APLF: variants seen among roughly 807,000 people sequenced by gnomAD.
APLF encodes aprataxin and PNK-like factor.
In APLF, 61 loss-of-function variants were observed where a neutral mutation model predicts 55.6. The ratio of observed to expected loss-of-function variants is 1.10; its 90% CI spans 0.89 to 1.36. The LOEUF is 1.36. Among genes scored for constraint, APLF ranks in the 40% most tolerant of loss-of-function variants. The pLI is 0.00. For missense variants in APLF, 611 were observed against 602.5 expected, an observed-to-expected ratio of 1.01 and a Z score of -0.15; for synonymous variants, 207 against 214.8, an observed-to-expected ratio of 0.96 and a Z score of 0.32.
intron 1 of APLF, among the ~76,000 whole-genome samples, chr2:68,480,925 T>G (rs1675931225): frequency 6.6e-6 from 1 of 152,240 alleles, no homozygotes; most frequent in African/African-American, 2.4e-5. Flanking sequence ...TTGATTTGTG[T>G]ATGTTTGAAC....
At chr2:68,560,459 A>C (rs1322102600) in intron 8 of APLF, among the ~76,000 whole-genome samples, 3 of 152,160 alleles carry the variant, frequency 2.0e-5, no homozygotes, top group Non-Finnish European at 2.9e-5. Flanking sequence ...TATTATAATT[A>C]CAAAGATTTA....
intron 5 of APLF, among the ~76,000 whole-genome samples, chr2:68,519,776 A>T (rs1387799070): frequency 6.6e-6 from 1 of 151,658 alleles, no homozygotes; most frequent in African/African-American, 2.4e-5. Flanking sequence ...TGCTATAAAC[A>T]TGTATGTGTA....
intron 8 of APLF, among the ~76,000 whole-genome samples, chr2:68,564,544 G>A (rs897700470): frequency 3.3e-5 from 5 of 151,992 alleles, no homozygotes; most frequent in Admixed American, 3.3e-4. Flanking sequence ...GGGATCAAAG[G>A]CTAACATTAT....
chr2:68,525,948 C>A, intron 5 of APLF, 113 bp from the exon 6 acceptor site: 1 of 1,019,694 alleles, frequency 9.8e-7, no homozygotes, highest in Non-Finnish European at 1.4e-6. Flanking sequence ...CCGGGTTTCA[C>A]CATGTTGGCC....
At chr2:68,539,579 T>G (rs1007952307) in intron 7 of APLF, among the ~76,000 whole-genome samples, 15 of 152,146 alleles carry the variant, frequency 9.9e-5, no homozygotes, top group African/African-American at 3.4e-4. Context: ...ACACTGGAAA[T>G]TAGGGCTTCA....
chr2:68,476,880 C>T (rs190587517), intron 1 of APLF, among the ~76,000 whole-genome samples: 105 of 152,056 alleles, frequency 6.9e-4, no homozygotes, highest in African/African-American at 1.9e-3. Flanking sequence ...GGGTTTTGAA[C>T]GGCATAGGTC....
At chr2:68,568,381 A>AC in intron 9 of APLF, 1 of 870,720 alleles carries the variant, frequency 1.1e-6, no homozygotes, top group Non-Finnish European at 1.4e-6. Context: ...ATTTCACTGT[A>AC]AGGGAATTCC....
intron 6 of APLF, among the ~76,000 whole-genome samples, chr2:68,535,064 G>A (rs1670350629): frequency 6.6e-6 from 1 of 152,032 alleles, no homozygotes; most frequent in African/African-American, 2.4e-5. Context: ...AAATATATTC[G>A]AGAACCCCTG....
At chr2:68,534,406 G>T (rs1465759014) in intron 6 of APLF, among the ~76,000 whole-genome samples, 1 of 152,076 alleles carries the variant, frequency 6.6e-6, no homozygotes, top group East Asian at 1.9e-4. Flanking sequence ...AGACATTCTT[G>T]CCAGGAGCAG....
At chr2:68,507,985 T>G (rs1178035621) in intron 3 of APLF, among the ~76,000 whole-genome samples, 1 of 151,834 alleles carries the variant, frequency 6.6e-6, no homozygotes, top group Non-Finnish European at 1.5e-5. Flanking sequence ...GATGAAAATG[T>G]CATGATAGTA....
At chr2:68,505,438 T>G (rs543928373) in intron 3 of APLF, among the ~76,000 whole-genome samples, 1 of 152,022 alleles carries the variant, frequency 6.6e-6, no homozygotes, top group African/African-American at 2.4e-5. Context: ...TTAGGGCAAG[T>G]GTCACACTTT....
intron 7 of APLF, among the ~76,000 whole-genome samples, chr2:68,543,144 A>G (rs7560955): frequency 0.095 from 14,390 of 152,176 alleles, 822 homozygotes; most frequent in African/African-American, 0.15. Flanking sequence ...CCTGTGGGGA[A>G]AAACAGAAAT....
At chr2:68,518,979 A>AT (rs1669789535) in intron 5 of APLF, among the ~76,000 whole-genome samples, 1 of 123,564 alleles carries the variant, frequency 8.1e-6, no homozygotes, top group Non-Finnish European at 1.6e-5. Context: ...ATATGCTATT[A>AT]ATATACAATA....
chr2:68,504,734 T>A (rs1676825300), intron 3 of APLF, among the ~76,000 whole-genome samples: 1 of 152,066 alleles, frequency 6.6e-6, no homozygotes, highest in African/African-American at 2.4e-5. Flanking sequence ...TGTGTTTATT[T>A]GCAGATGACA....
intron 1 of APLF, among the ~76,000 whole-genome samples, chr2:68,483,907 C>CA (rs1346447678): frequency 6.6e-6 from 1 of 152,030 alleles, no homozygotes; most frequent in Non-Finnish European, 1.5e-5. Flanking sequence ...AAGCATTTTA[C>CA]AAAAAATTAA....
intron 5 of APLF, among the ~76,000 whole-genome samples, chr2:68,517,688 T>C (rs1383279193): frequency 6.9e-6 from 1 of 145,268 alleles, no homozygotes; most frequent in Non-Finnish European, 1.5e-5. Flanking sequence ...TAATATGTTA[T>C]TAACATGTAA....
chr2:68,485,809 CTTTTTTTTTT>C (rs1189243777), intron 1 of APLF, among the ~76,000 whole-genome samples: 1 of 129,206 alleles, frequency 7.7e-6, no homozygotes, highest in African/African-American at 3.1e-5. Context: ...TTTATTATCT[CTTTTTTTTTT>C]TTTTTTTTGA....
intron 8 of APLF, among the ~76,000 whole-genome samples, chr2:68,564,687 C>T (rs1489213729): frequency 6.6e-6 from 1 of 152,070 alleles, no homozygotes; most frequent in East Asian, 1.9e-4. Context: ...GAAGCTCAGA[C>T]AGCGTGCAGG....
chr2:68,471,279 G>A (rs1404315347), intron 1 of APLF, among the ~76,000 whole-genome samples: 1 of 113,028 alleles, frequency 8.8e-6, no homozygotes, highest in Non-Finnish European at 1.6e-5. Flanking sequence ...GCTAAATCTT[G>A]AGTAGCATTC....
Sources: allele counts gnomAD v4.1 joint callset (sites outside exome capture counted in the v4.1 genomes callset), GRCh38; gene constraint gnomAD v4.1.1; transcripts MANE v1.5; gene names NCBI Gene and HGNC (gene_info 2026-07-23, HGNC 2026-07-21).